The following NXPE3 variants were observed in gnomAD, a reference collection of about 807,000 sequenced individuals.
The protein encoded by NXPE3 is neurexophilin and PC-esterase domain family member 3.
In NXPE3, 26 loss-of-function variants were observed where a neutral mutation model predicts 46.1. The ratio of observed to expected loss-of-function variants is 0.56; its 90% CI spans 0.41 to 0.78. The LOEUF is 0.78. Ranked by LOEUF, NXPE3 falls within the 30% of genes least tolerant of loss-of-function variation. NXPE3 has a pLI of 0.00. For synonymous variants in NXPE3, 272 were observed against 257.9 expected (o/e 1.05, Z -0.52); for missense variants, 620 against 686.0 (o/e 0.90, Z 1.07).
At chr3:101,815,121 G>A (rs1245982416) in intron 6 of NXPE3, among the ~76,000 whole-genome samples, 2 of 152,204 alleles carry the variant, frequency 1.3e-5, no homozygotes, top group African/African-American at 4.8e-5. Flanking sequence ...TCTACAGGAG[G>A]TGTTAGGGCA....
intron 4 of NXPE3, among the ~76,000 whole-genome samples, chr3:101,798,075 C>T (rs1232475256): frequency 7.2e-6 from 1 of 138,642 alleles, no homozygotes; most frequent in Non-Finnish European, 1.5e-5. Context: ...TCCACATCCT[C>T]TCCAGCACCT....
intron 6 of NXPE3, among the ~76,000 whole-genome samples, chr3:101,811,669 C>T (rs1941711572): frequency 6.6e-6 from 1 of 151,720 alleles, no homozygotes. Context: ...GCCCCTTAAC[C>T]ATGTTTAGGA....
chr3:101,797,257 T>G (rs902377599), intron 4 of NXPE3, among the ~76,000 whole-genome samples: 1 of 152,166 alleles, frequency 6.6e-6, no homozygotes, highest in Non-Finnish European at 1.5e-5. Context: ...ACTTATATCT[T>G]GATTTGTGAA....
rs531948808 is a variant in NXPE3, at chr3:101,814,183, T to A, written c.923-2612T>A. Among the ~76,000 whole-genome samples the A allele has an allele frequency of 7.9e-5, 12 of 152,364 alleles. No homozygotes were observed. The South Asian group carries it at 1.2e-3, about 16-fold the overall frequency. ...GTAACATCAAAATAACTTTTAATTC[T>A]CATTCTAGTAAATGTTTTCTGTGGG... On this transcript the variant is annotated intron_variant, in intron 6 of 7. Coordinates refer to ENST00000273347, the MANE Select transcript of NXPE3 (RefSeq NM_145037.4).
At chr3:101,808,400 T>G (rs1941526773) in intron 6 of NXPE3, among the ~76,000 whole-genome samples, 1 of 152,066 alleles carries the variant, frequency 6.6e-6, no homozygotes, top group Non-Finnish European at 1.5e-5. Context: ...GGCTTGATAT[T>G]TAATACCTGT....
intron 4 of NXPE3, among the ~76,000 whole-genome samples, chr3:101,800,210 C>G (rs149315868): frequency 1.3e-5 from 2 of 152,316 alleles, no homozygotes; most frequent in African/African-American, 4.8e-5. Context: ...GAATTTCCCT[C>G]TAAGCACTTC....
chr3:101,780,856 T>C (rs1939778349), intron 1 of NXPE3, among the ~76,000 whole-genome samples: 1 of 152,226 alleles, frequency 6.6e-6, no homozygotes, highest in Non-Finnish European at 1.5e-5. Context: ...CAGCACTTTG[T>C]GCATGTGAGG....
chr3:101,789,723 A>G (rs1940393665), intron 4 of NXPE3, among the ~76,000 whole-genome samples: 1 of 150,886 alleles, frequency 6.6e-6, no homozygotes, highest in Non-Finnish European at 1.5e-5. Context: ...ACAAATTTTC[A>G]CTCTGTCACC....
chr3:101,805,587 G>T (rs1288325489), intron 5 of NXPE3, among the ~76,000 whole-genome samples: 1 of 151,960 alleles, frequency 6.6e-6, no homozygotes, highest in African/African-American at 2.4e-5. Flanking sequence ...TACTAGGCAC[G>T]CACCACCATA....
intron 4 of NXPE3, among the ~76,000 whole-genome samples, chr3:101,793,562 C>T (rs1940637048): frequency 6.8e-6 from 1 of 146,512 alleles, no homozygotes. Context: ...TTATTTGTCC[C>T]ACCTCTTCTC....
At chr3:101,813,478 T>C (rs1175157766) in intron 6 of NXPE3, among the ~76,000 whole-genome samples, 1 of 152,138 alleles carries the variant, frequency 6.6e-6, no homozygotes, top group Non-Finnish European at 1.5e-5. Context: ...CAGACAGCCC[T>C]CATTATGGCT....
chr3:101,803,031 C>A (rs1941240996), intron 5 of NXPE3, among the ~76,000 whole-genome samples: 1 of 152,072 alleles, frequency 6.6e-6, no homozygotes, highest in South Asian at 2.1e-4. Flanking sequence ...CAGAGTGAGA[C>A]CCTGTCTCAA....
At chr3:101,797,668 T>C (rs1449204590) in intron 4 of NXPE3, among the ~76,000 whole-genome samples, 1 of 83,454 alleles carries the variant, frequency 1.2e-5, no homozygotes, top group African/African-American at 4.8e-5. Flanking sequence ...AGTGAGAATA[T>C]GCGGTGTTTG....
At chr3:101,800,931 T>C (rs1460230059) in intron 4 of NXPE3, among the ~76,000 whole-genome samples, 1 of 152,186 alleles carries the variant, frequency 6.6e-6, no homozygotes, top group Non-Finnish European at 1.5e-5. Context: ...GAGTTGGATA[T>C]TTCCCTTCTC....
chr3:101,784,676 C>T (rs1427275522), intron 3 of NXPE3, among the ~76,000 whole-genome samples: 1 of 152,162 alleles, frequency 6.6e-6, no homozygotes, highest in Non-Finnish European at 1.5e-5. Context: ...GAATTTGTTA[C>T]GTGGGAGAAC....
intron 5 of NXPE3, 146 bp downstream of exon 5, chr3:101,802,135 A>G (rs1941195253): frequency 1.5e-6 from 1 of 687,410 alleles, no homozygotes; most frequent in African/African-American, 1.8e-5. Context: ...AATAAAAAAA[A>G]AAACATAGAT....
intron 7 of NXPE3, among the ~76,000 whole-genome samples, chr3:101,817,597 C>T (rs903577510): frequency 6.6e-6 from 1 of 152,128 alleles, no homozygotes; most frequent in African/African-American, 2.4e-5. Context: ...CTCTGCTTGG[C>T]TCTGGGGCTG....
At chr3:101,819,783 A>G (rs1426258360) in intron 7 of NXPE3, among the ~76,000 whole-genome samples, 1 of 152,176 alleles carries the variant, frequency 6.6e-6, no homozygotes, top group Non-Finnish European at 1.5e-5. Flanking sequence ...CTCTTCTTTT[A>G]GCAGTTTTGA....
intron 1 of NXPE3, chr3:101,781,624 C>T (rs2107226741): frequency 6.6e-6 from 1 of 152,224 alleles, no homozygotes; most frequent in Admixed American, 6.5e-5. Context: ...TTTGCTTGTT[C>T]TTTGCACATA....
Sources: allele counts gnomAD v4.1 joint callset (sites outside exome capture counted in the v4.1 genomes callset), GRCh38; gene constraint gnomAD v4.1.1; transcripts MANE v1.5; gene names NCBI Gene and HGNC (gene_info 2026-07-23, HGNC 2026-07-21).